The following ABHD17C variants were observed in gnomAD, a reference collection of about 807,000 sequenced individuals.
ABHD17C encodes alpha/beta hydrolase domain-containing protein 17C.
A neutral mutation model predicts 27.9 loss-of-function variants in ABHD17C; 11 were observed. The observed-to-expected ratio is 0.39, with a 90% CI of 0.25 to 0.65. The LOEUF (loss-of-function observed/expected upper bound fraction) is 0.65, where lower values mean the gene tolerates loss of function less well. Among genes scored for constraint, ABHD17C ranks in the 30% least tolerant of loss-of-function variants. The pLI, the probability that ABHD17C is intolerant of heterozygous loss-of-function variation, is 0.45. For synonymous variants in ABHD17C, 233 were observed against 209.1 expected (o/e 1.11, Z -0.98); for missense variants, 280 against 470.2 (o/e 0.60, Z 3.74).
chr15:80,719,398 C>G (rs557453257), intron 1 of ABHD17C, among the ~76,000 whole-genome samples: 1 of 152,272 alleles, frequency 6.6e-6, no homozygotes, highest in South Asian at 2.1e-4. Context: ...CTTCTGTCCC[C>G]TTGCATGAGC....
intron 1 of ABHD17C, among the ~76,000 whole-genome samples, chr15:80,710,627 T>G (rs1304107416): frequency 6.6e-6 from 1 of 152,230 alleles, no homozygotes; most frequent in Non-Finnish European, 1.5e-5. Context: ...CAGTATTTGC[T>G]GATGCAGAGT....
intron 1 of ABHD17C, among the ~76,000 whole-genome samples, chr15:80,737,561 C>T (rs568940678): frequency 3.3e-5 from 5 of 152,314 alleles, no homozygotes; most frequent in African/African-American, 1.2e-4. Context: ...ATTTTATCTA[C>T]CCTTGTGGAG....
intron 1 of ABHD17C, chr15:80,704,750 A>G (rs1303387942): frequency 6.6e-6 from 1 of 152,072 alleles, no homozygotes; most frequent in African/African-American, 2.4e-5. Context: ...TGGAATCGTC[A>G]CTGCTCTCCA....
intron 1 of ABHD17C, among the ~76,000 whole-genome samples, chr15:80,723,794 C>G (rs562043237): frequency 1.3e-5 from 2 of 152,110 alleles, no homozygotes; most frequent in African/African-American, 4.8e-5. Context: ...TGAGTCCTTT[C>G]TAATCCGACC....
chr15:80,747,880 T>C (rs1596074289), intron 1 of ABHD17C, among the ~76,000 whole-genome samples: 1 of 152,188 alleles, frequency 6.6e-6, no homozygotes, highest in African/African-American at 2.4e-5. Flanking sequence ...TGCTGTCATC[T>C]CCTGCCTGCC....
chr15:80,725,016 CCCT>C (rs1894953284), intron 1 of ABHD17C, among the ~76,000 whole-genome samples: 2 of 152,248 alleles, frequency 1.3e-5, no homozygotes, highest in South Asian at 4.1e-4. Flanking sequence ...TGTTTTTATA[CCCT>C]AGTGTCTTAC....
rs535439655 is a variant in ABHD17C at position 80,705,437 on chromosome 15, T to G, written c.590+9418T>G. The stretch of plus-strand genomic sequence containing the variant: ...CCTGCCTGTGATTAGCTGCTTGACC[T>G]CAGGCAAGTTTTCTACCATTTTGAG... On this transcript the variant is annotated intron_variant, in intron 1 of 2. Coordinates refer to ENST00000258884, the MANE Select transcript of ABHD17C (RefSeq NM_021214.2). Among the ~76,000 whole-genome samples, 3 of 151,576 alleles carry G rather than the reference T, an allele frequency of 2.0e-5. No homozygotes were observed. In the South Asian group the frequency reaches 6.3e-4, roughly 32 times the overall value.
intron 1 of ABHD17C, among the ~76,000 whole-genome samples, chr15:80,733,148 C>T (rs1895079467): frequency 6.6e-6 from 1 of 152,128 alleles, no homozygotes; most frequent in South Asian, 2.1e-4. Flanking sequence ...GATTGCAGAG[C>T]GTACTCTTCT....
chr15:80,696,224 T>C (rs1332309047), intron 1 of ABHD17C, among the ~76,000 whole-genome samples: 5 of 152,214 alleles, frequency 3.3e-5, no homozygotes, highest in Admixed American at 3.3e-4. Context: ...GCGCCAGCCT[T>C]CAGGTTCCTG....
At chr15:80,717,766 A>G (rs1316347262) in intron 1 of ABHD17C, among the ~76,000 whole-genome samples, 1 of 152,162 alleles carries the variant, frequency 6.6e-6, no homozygotes, top group African/African-American at 2.4e-5. Flanking sequence ...TTTTCTTCAA[A>G]AGTTGAATTA....
At chr15:80,696,197 C>G (rs1164313927) in intron 1 of ABHD17C, among the ~76,000 whole-genome samples, 178 bp downstream of exon 1, 2 of 152,216 alleles carry the variant, frequency 1.3e-5, no homozygotes, top group Non-Finnish European at 2.9e-5. Context: ...GGCTTGCTCC[C>G]ACCCTCTCCA....
At chr15:80,705,476 AATG>A (rs1013502753) in intron 1 of ABHD17C, among the ~76,000 whole-genome samples, 2 of 152,062 alleles carry the variant, frequency 1.3e-5, no homozygotes, top group African/African-American at 4.8e-5. Context: ...CAGTTAAAAT[AATG>A]ATGATGGTTA....
chr15:80,736,202 A>G (rs1034051997), intron 1 of ABHD17C, among the ~76,000 whole-genome samples: 2 of 152,282 alleles, frequency 1.3e-5, no homozygotes, highest in Admixed American at 6.5e-5. Flanking sequence ...TGAACAACCA[A>G]TAGAAGTCTG....
intron 1 of ABHD17C, among the ~76,000 whole-genome samples, chr15:80,726,405 T>C (rs1894976003): frequency 2.6e-5 from 4 of 152,088 alleles, no homozygotes; most frequent in Admixed American, 2.6e-4. Context: ...TCTTCTTGAC[T>C]CAGGAGTAGT....
chr15:80,716,368 A>G (rs978132842), intron 1 of ABHD17C, among the ~76,000 whole-genome samples: 2 of 151,850 alleles, frequency 1.3e-5, no homozygotes, highest in Non-Finnish European at 1.5e-5. Context: ...GACCACAGGG[A>G]CAGCCGCGTA....
intron 1 of ABHD17C, among the ~76,000 whole-genome samples, chr15:80,707,970 A>G (rs1053318945): frequency 6.6e-6 from 1 of 152,228 alleles, no homozygotes. Flanking sequence ...CCTGAAGCTC[A>G]GTGGGAGCTT....
intron 1 of ABHD17C, among the ~76,000 whole-genome samples, chr15:80,734,150 A>G (rs1895094695): frequency 1.3e-5 from 2 of 151,932 alleles, no homozygotes; most frequent in Non-Finnish European, 2.9e-5. Flanking sequence ...ATGCCGGACT[A>G]ATTTTTGTAT....
Position 80,754,597 on chromosome 15 carries a change from C to G in ABHD17C, c.*227C>G. 2.0e-6 allele frequency: 1 copy of G among 497,194 alleles called. No homozygotes were observed. Among genetic ancestry groups the G allele is most frequent in the Non-Finnish European group, 3.6e-6 (1 of 278,002 alleles). The allele number at this position is 497,194 out of a possible 1,614,324, so 30.8% of individuals were successfully genotyped here. A position where few individuals can be genotyped will look rare whatever the true frequency, so the allele number is the denominator to read the frequency against. ...ACAGTCGTGATTCCCAGCTTCATTA[C>G]CTTGCAGGAATGGGAATGAGAGCTG... On this transcript the variant is annotated 3_prime_UTR_variant, in exon 3 of 3. Transcript: ENST00000258884.
chr15:80,730,888 A>G (rs1285318089), intron 1 of ABHD17C, among the ~76,000 whole-genome samples: 1 of 152,178 alleles, frequency 6.6e-6, no homozygotes, highest in Admixed American at 6.5e-5. Flanking sequence ...TATTAATGTC[A>G]TGGTGCTCGA....
Sources: allele counts gnomAD v4.1 joint callset (sites outside exome capture counted in the v4.1 genomes callset), GRCh38; gene constraint gnomAD v4.1.1; transcripts MANE v1.5; gene names NCBI Gene and HGNC (gene_info 2026-07-23, HGNC 2026-07-21).